Variants in TRAK1 observed in about 807,000 individuals in gnomAD.
TRAK1 encodes trafficking kinesin protein 1, also known as trafficking kinesin-binding protein 1.
Under a neutral mutation model 92.1 loss-of-function variants are expected in TRAK1, and 33 were observed. The ratio of observed to expected loss-of-function variants is 0.36; its 90% CI spans 0.27 to 0.48. The LOEUF (loss-of-function observed/expected upper bound fraction) is 0.48, where lower values mean the gene tolerates loss of function less well. TRAK1 is among the 20% of genes least tolerant of loss of function. The probability of loss-of-function intolerance (pLI) is 0.99; values close to 1 mark genes in which losing one functional copy is unlikely to be tolerated. For missense variants in TRAK1, 1,123 were observed against 1,257.9 expected, an observed-to-expected ratio of 0.89 and a Z score of 1.62; for synonymous variants, 521 against 517.3, an observed-to-expected ratio of 1.01 and a Z score of -0.10.
At chr3:42,048,235 C>T (rs1285211148) in intron 1 of TRAK1, among the ~76,000 whole-genome samples, 2 of 152,112 alleles carry the variant, frequency 1.3e-5, no homozygotes. Context: ...GCCGTTGAAC[C>T]TGTAGAGTTT....
At chr3:42,115,864 G>C (rs1302592289) in intron 1 of TRAK1, among the ~76,000 whole-genome samples, 1 of 152,160 alleles carries the variant, frequency 6.6e-6, no homozygotes, top group Non-Finnish European at 1.5e-5. Flanking sequence ...CGGAGGTCTT[G>C]CTTCCATTTC....
At chr3:42,033,622 G>A (rs953550210) in intron 1 of TRAK1, among the ~76,000 whole-genome samples, 4 of 151,370 alleles carry the variant, frequency 2.6e-5, no homozygotes, top group African/African-American at 7.3e-5. Flanking sequence ...GTGATTTTGG[G>A]CAGGTCCTTA....
At chr3:42,123,923 G>T (rs932685804) in intron 1 of TRAK1, among the ~76,000 whole-genome samples, 1 of 152,100 alleles carries the variant, frequency 6.6e-6, no homozygotes, top group Non-Finnish European at 1.5e-5. Context: ...CAGGAGGATT[G>T]CGTGAGCCCA....
At chr3:42,069,846 A>G (rs1297026849) in intron 1 of TRAK1, among the ~76,000 whole-genome samples, 1 of 152,150 alleles carries the variant, frequency 6.6e-6, no homozygotes, top group Non-Finnish European at 1.5e-5. Context: ...AAATAACTGA[A>G]GAAGTGGAAT....
At chr3:42,047,046 A>G (rs774026793) in intron 1 of TRAK1, among the ~76,000 whole-genome samples, 5 of 152,128 alleles carry the variant, frequency 3.3e-5, no homozygotes, top group Non-Finnish European at 7.4e-5. Flanking sequence ...CTTACTATTT[A>G]AATTCATTCT....
intron 11 of TRAK1, 121 bp downstream of exon 11, chr3:42,199,374 A>T: frequency 2.2e-6 from 2 of 901,312 alleles, no homozygotes; most frequent in East Asian, 2.7e-5. Context: ...TGTCCTTCCC[A>T]GTCCAGATTA....
At chr3:42,071,638 A>G (rs1703936284) in intron 1 of TRAK1, among the ~76,000 whole-genome samples, 1 of 151,600 alleles carries the variant, frequency 6.6e-6, no homozygotes, top group Non-Finnish European at 1.5e-5. Flanking sequence ...ATCCTGGGAA[A>G]TGGAGGTTGC....
chr3:42,023,561 G>A (rs1318496208), intron 1 of TRAK1, among the ~76,000 whole-genome samples: 1 of 152,046 alleles, frequency 6.6e-6, no homozygotes, highest in Non-Finnish European at 1.5e-5. Flanking sequence ...GCGAGTGATA[G>A]TGTGGGTAGA....
intron 2 of TRAK1, among the ~76,000 whole-genome samples, chr3:42,175,866 A>T (rs1249537251): frequency 6.6e-6 from 1 of 152,188 alleles, no homozygotes; most frequent in Non-Finnish European, 1.5e-5. Flanking sequence ...AAACATTACT[A>T]AGAAGTTATT....
At chr3:42,073,837 G>A (rs1704037363) in intron 1 of TRAK1, among the ~76,000 whole-genome samples, 1 of 152,190 alleles carries the variant, frequency 6.6e-6, no homozygotes, top group African/African-American at 2.4e-5. Context: ...GATGAAAGAC[G>A]GGAGGAACAG....
chr3:42,114,072 A>C (rs1360108572), intron 1 of TRAK1, among the ~76,000 whole-genome samples: 2 of 152,182 alleles, frequency 1.3e-5, no homozygotes, highest in African/African-American at 4.8e-5. Flanking sequence ...ATATGAATGG[A>C]ATCATTCAAT....
chr3:42,223,550 A>T lies in TRAK1; in HGVS notation c.2675A>T (p.Glu892Val). The T allele has an allele frequency of 1.9e-6, 3 of 1,613,746 alleles. No individual in the cohort carries two copies. Among genetic ancestry groups the T allele is most frequent in the Non-Finnish European group, 2.5e-6 (3 of 1,179,942 alleles). ...PALVPRGLVP[E>V]GLPLRCPTVT... ...CTTGTTCCCAGAGGCCTGGTACCTG[A>T]GGGCCTGCCCCTCAGATGCCCCACT... Residue 892 changes from glutamate (E) to valine (V), a missense_variant, in exon 16 of 16, where the codon GAG becomes GTG. Around this residue, in one of 3 missense-constraint regions of TRAK1, gnomAD observed 401 missense variants for 438.9 expected, o/e 0.91. Coordinates refer to ENST00000327628, the MANE Select transcript of TRAK1 (RefSeq NM_001042646.3). This position sits in a 1 kb window ranked among gnomAD's most constrained non-coding sequence, Gnocchi z 6.1.
At chr3:42,079,474 C>CTT (rs374173062) in intron 1 of TRAK1, among the ~76,000 whole-genome samples, 53,140 of 132,888 alleles carry the variant, frequency 0.4, 11,264 homozygotes, top group South Asian at 0.53. Flanking sequence ...GAAGCTCCTT[C>CTT]TTCTTTTTTT....
rs1697568014 is a variant in TRAK1 at position 42,134,088 on chromosome 3, G to A, written c.286+8474G>A. Reference sequence around the variant, plus strand: ...ATGCTCAATTCACAAGAGCCCAGATGCCTAGGCACATGAGACAGTGGTCAG... The same window carrying A: ...ATGCTCAATTCACAAGAGCCCAGATACCTAGGCACATGAGACAGTGGTCAG... On this transcript the variant is annotated intron_variant, in intron 2 of 15. Transcript: ENST00000327628. Among the ~76,000 whole-genome samples, 5 of 152,126 alleles carry A rather than the reference G, an allele frequency of 3.3e-5. No homozygotes were observed. In the South Asian group the frequency reaches 1.0e-3, roughly 32 times the overall value.
chr3:42,180,473 A>G (rs1397318673), intron 3 of TRAK1, among the ~76,000 whole-genome samples: 1 of 152,120 alleles, frequency 6.6e-6, no homozygotes, highest in Non-Finnish European at 1.5e-5. Flanking sequence ...TCTCTACAAA[A>G]AGTTAGACGC....
intron 2 of TRAK1, among the ~76,000 whole-genome samples, chr3:42,128,992 G>A (rs752090047): frequency 1.3e-4 from 19 of 151,898 alleles, no homozygotes; most frequent in Non-Finnish European, 2.2e-4. Context: ...TTTTTTTGTC[G>A]TTGTTAATAT....
chr3:42,108,616 T>A (rs1486193672), intron 1 of TRAK1, among the ~76,000 whole-genome samples: 1 of 151,098 alleles, frequency 6.6e-6, no homozygotes, highest in Non-Finnish European at 1.5e-5. Context: ...ATGATGGAAG[T>A]AGTTCTTAGC....
intron 2 of TRAK1, among the ~76,000 whole-genome samples, chr3:42,161,768 C>CA (rs1350667696): frequency 6.6e-6 from 1 of 152,140 alleles, no homozygotes; most frequent in South Asian, 2.1e-4. Context: ...GTGAGGGACC[C>CA]AATGCTGAGG....
intron 1 of TRAK1, among the ~76,000 whole-genome samples, chr3:42,059,878 T>C (rs1230922245): frequency 9.2e-5 from 14 of 152,126 alleles, no homozygotes; most frequent in Admixed American, 9.2e-4. Context: ...CACAGATCAT[T>C]GAGGAATGAG....
Sources: allele counts gnomAD v4.1 joint callset (sites outside exome capture counted in the v4.1 genomes callset), GRCh38; gene constraint gnomAD v4.1.1; regional missense constraint gnomAD v4.1.1; non-coding constraint Gnocchi (gnomAD v3.1); transcripts MANE v1.5; gene names NCBI Gene and HGNC (gene_info 2026-07-23, HGNC 2026-07-21).